Variants in SEL1L3 observed in about 807,000 individuals in gnomAD.
SEL1L3 encodes protein sel-1 homolog 3.
SEL1L3 carries 76 observed loss-of-function variants against 142.8 expected under a neutral mutation model. That is an observed-to-expected ratio of 0.53 (90% CI 0.44 to 0.64). SEL1L3 has a LOEUF of 0.64. Among genes scored for constraint, SEL1L3 ranks in the 30% least tolerant of loss-of-function variants. SEL1L3 has a pLI of 0.00. For synonymous variants in SEL1L3, 504 were observed against 519.6 expected (o/e 0.97, Z 0.41); for missense variants, 1,262 against 1,381.7 (o/e 0.91, Z 1.37).
At chr4:25,848,381 G>C (rs1716677869) in intron 1 of SEL1L3, among the ~76,000 whole-genome samples, 1 of 152,224 alleles carries the variant, frequency 6.6e-6, no homozygotes, top group Admixed American at 6.5e-5. Flanking sequence ...TTTGAAGCCA[G>C]GGCAAGCCTG....
At chr4:25,831,017 T>C (rs2109279352) in intron 5 of SEL1L3, among the ~76,000 whole-genome samples, 1 of 152,284 alleles carries the variant, frequency 6.6e-6, no homozygotes, top group Middle Eastern at 3.4e-3. Flanking sequence ...TTAGACCAGA[T>C]AGAATAGAAA....
Position 25,757,756 on chromosome 4 carries a change from G to A in SEL1L3, c.3118C>T (p.Pro1040Ser), listed in dbSNP as rs750194842. The A allele has an allele frequency of 6.3e-7, 1 of 1,594,038 alleles. No individual in the cohort carries two copies. The highest frequency in any genetic ancestry group is 8.5e-7 in the Non-Finnish European group (1 of 1,170,684). Residue 1040 changes from proline to serine, a missense_variant, in exon 22 of 24, where the codon CCC becomes TCC. Transcript: ENST00000399878. ...WSHSNEESFS[P>S]CSLAWLYLHL... ...AGGTAAAGCCAGGCCAAGGAGCAGG[G>A]GCTGAAGGACTCCTCGTTACTGTGG...
intron 16 of SEL1L3, among the ~76,000 whole-genome samples, chr4:25,778,576 A>AAT (rs1488183118): frequency 6.6e-6 from 1 of 152,200 alleles, no homozygotes; most frequent in Non-Finnish European, 1.5e-5. Flanking sequence ...CCCTGATACT[A>AAT]ATGTAACCAA....
chr4:25,746,507 A>AATATATAT (rs141668402), downstream of SEL1L3, among the ~76,000 whole-genome samples: 1 of 101,562 alleles, frequency 9.8e-6, no homozygotes, highest in African/African-American at 4.1e-5. Context: ...ATATTATCTA[A>AATATATAT]ATATATATAT....
chr4:25,825,769 G>T (rs888047600), intron 6 of SEL1L3, among the ~76,000 whole-genome samples: 1 of 149,474 alleles, frequency 6.7e-6, no homozygotes, highest in African/African-American at 2.5e-5. Context: ...CTGCCTCCTG[G>T]GTTCAAGCGA....
At chr4:25,796,561 G>C (rs1712767952) in intron 11 of SEL1L3, among the ~76,000 whole-genome samples, 1 of 152,160 alleles carries the variant, frequency 6.6e-6, no homozygotes, top group Non-Finnish European at 1.5e-5. Flanking sequence ...GGGAGGCCAA[G>C]GTGGGCAGAT....
At chr4:25,816,903 G>A (rs1228937162) in intron 9 of SEL1L3, among the ~76,000 whole-genome samples, 2 of 152,116 alleles carry the variant, frequency 1.3e-5, no homozygotes, top group Non-Finnish European at 2.9e-5. Flanking sequence ...ATCAGTCCCA[G>A]TGTCTCCTCT....
At chr4:25,734,956 C>A in the SEL1L3 span, among the ~76,000 whole-genome samples, 1 of 151,726 alleles carries the variant, frequency 6.6e-6, no homozygotes, top group African/African-American at 2.4e-5. Flanking sequence ...TAAGGTAACA[C>A]TAACCTAATA....
At chr4:25,744,722 C>T (rs1477281810), downstream of SEL1L3, among the ~76,000 whole-genome samples, 3 of 152,168 alleles carry the variant, frequency 2.0e-5, no homozygotes, top group Non-Finnish European at 4.4e-5. Context: ...CACAAGACAA[C>T]CCTGCACCCC....
intron 10 of SEL1L3, among the ~76,000 whole-genome samples, chr4:25,802,952 T>C (rs1713285331): frequency 6.6e-6 from 1 of 152,254 alleles, no homozygotes; most frequent in Non-Finnish European, 1.5e-5. Context: ...CCCTTCCTAA[T>C]GTCAAATAGC....
chr4:25,863,487 G>A, upstream of SEL1L3: 1 of 702,772 alleles, frequency 1.4e-6, no homozygotes, highest in African/African-American at 1.7e-5. Flanking sequence ...GTTTTTGTCT[G>A]GTTGCTTTTT....
At chr4:25,733,048 T>A in the SEL1L3 span, among the ~76,000 whole-genome samples, 1 of 148,264 alleles carries the variant, frequency 6.7e-6, no homozygotes, top group Non-Finnish European at 1.5e-5. Context: ...GCCTGGCGAG[T>A]CCTCTAACTT....
At chr4:25,827,313 G>T (rs185498258) in intron 6 of SEL1L3, among the ~76,000 whole-genome samples, 37 of 152,268 alleles carry the variant, frequency 2.4e-4, no homozygotes, top group African/African-American at 8.9e-4. Flanking sequence ...GGTGATACTG[G>T]AGTAGGGTGA....
chr4:25,735,312 T>G, the SEL1L3 span, among the ~76,000 whole-genome samples: 2 of 152,154 alleles, frequency 1.3e-5, no homozygotes, highest in African/African-American at 4.8e-5. Context: ...CCCAAAGTGC[T>G]AGGATTACAG....
chr4:25,861,534 C>T (rs1717704284), intron 1 of SEL1L3, among the ~76,000 whole-genome samples: 2 of 151,914 alleles, frequency 1.3e-5, no homozygotes. Context: ...TAATTTCTGC[C>T]AGTATCTCCT....
chr4:25,827,548 T>C (rs1455668594), intron 6 of SEL1L3, among the ~76,000 whole-genome samples: 8 of 152,136 alleles, frequency 5.3e-5, no homozygotes, highest in Admixed American at 5.2e-4. Context: ...ACTGAGATAA[T>C]ACATTTTTGT....
chr4:25,806,037 G>GTTTTT, intron 9 of SEL1L3, among the ~76,000 whole-genome samples: 1 of 131,480 alleles, frequency 7.6e-6, no homozygotes, highest in Non-Finnish European at 1.6e-5. Flanking sequence ...GTTTTGTTTT[G>GTTTTT]TTTGTTTTTT....
chr4:25,774,198 C>A (rs1053965590), intron 17 of SEL1L3, among the ~76,000 whole-genome samples: 1 of 152,118 alleles, frequency 6.6e-6, no homozygotes, highest in Non-Finnish European at 1.5e-5. Context: ...AAAAAGCCAG[C>A]GCAAGGGCTC....
At chr4:25,807,503 A>ATTCG (rs949983126) in intron 9 of SEL1L3, among the ~76,000 whole-genome samples, 8 of 152,050 alleles carry the variant, frequency 5.3e-5, no homozygotes, top group African/African-American at 1.9e-4. Context: ...CCACTTATTC[A>ATTCG]TGTGTTTACT....
Sources: allele counts gnomAD v4.1 joint callset (sites outside exome capture counted in the v4.1 genomes callset), GRCh38; gene constraint gnomAD v4.1.1; transcripts MANE v1.5; gene names NCBI Gene and HGNC (gene_info 2026-07-23, HGNC 2026-07-21).